OTUD4: variants seen among roughly 807,000 people sequenced by gnomAD.
OTUD4 encodes OTU domain-containing protein 4.
Under a neutral mutation model 130.4 loss-of-function variants are expected in OTUD4, and 24 were observed. That is an observed-to-expected ratio of 0.18 (90% CI 0.13 to 0.26). The LOEUF is 0.26. OTUD4 is among the 10% of genes least tolerant of loss of function. The pLI is 1.00. For synonymous variants in OTUD4, 420 were observed against 472.5 expected (o/e 0.89, Z 1.44); for missense variants, 1,031 against 1,329.4 (o/e 0.78, Z 3.49).
chr4:145,170,117 T>C (rs1478581148), intron 3 of OTUD4, among the ~76,000 whole-genome samples: 1 of 152,246 alleles, frequency 6.6e-6, no homozygotes, highest in Non-Finnish European at 1.5e-5. Context: ...CAATGCCTGA[T>C]GCCTAGGCCC....
In OTUD4 at chr4:145,164,209, T is replaced by A; in HGVS notation, c.359A>T (p.Tyr120Phe). Residue 120 changes from tyrosine (Y) to phenylalanine (F), a missense_variant, in exon 5 of 21, where the codon TAT becomes TTT. Physicochemically the swap from Tyr to Phe is conservative, Grantham distance 22 (BLOSUM62 3). This residue lies in a region of OTUD4 where 77 missense variants were observed against 172.9 expected (regional missense o/e 0.45). Transcript: ENST00000447906. ...TGAAGGAGAAACATTTGGTTCCCGATAAATTATAAAATCTTTCCTGAAAAT... is the reference window on the plus strand; with the variant it reads ...TGAAGGAGAAACATTTGGTTCCCGAAAAATTATAAAATCTTTCCTGAAAAT... ...SLMYRKDFII[Y>F]REPNVSPSQV... 7.3e-7 allele frequency: 1 copy of A among 1,370,456 alleles called. No individual in the cohort carries two copies. Among genetic ancestry groups the A allele is most frequent in the Non-Finnish European group, 1.0e-6 (1 of 982,626 alleles). 84.9% of individuals were successfully genotyped at this position (1,370,456 alleles called of 1,614,324 possible). A position where few individuals can be genotyped will look rare whatever the true frequency, so the allele number is the denominator to read the frequency against.
intron 3 of OTUD4, among the ~76,000 whole-genome samples, chr4:145,165,665 CG>C (rs1419557489): frequency 2.6e-5 from 4 of 151,876 alleles, no homozygotes; most frequent in Admixed American, 1.3e-4. Context: ...TTAGTAGAGA[CG>C]GGGTTTCTCT....
intron 11 of OTUD4, among the ~76,000 whole-genome samples, chr4:145,152,240 T>C (rs1001224056): frequency 1.3e-5 from 2 of 152,070 alleles, no homozygotes; most frequent in Non-Finnish European, 2.9e-5. Flanking sequence ...GCCTCTTGAG[T>C]AGCTGGAATT....
intron 1 of OTUD4, among the ~76,000 whole-genome samples, chr4:145,176,530 A>G (rs1250192841): frequency 6.7e-6 from 1 of 150,166 alleles, no homozygotes; most frequent in Non-Finnish European, 1.5e-5. Context: ...CTACTAAAAA[A>G]TACAAAAAAA....
chr4:145,136,669 C>A lies in OTUD4; in HGVS notation c.*761G>T, dbSNP rs1442166568. ...TCGAGTAGGCACCATGATATTTACA[C>A]CAGTGCTAAGAATTCTTGGTGGAAA... On this transcript the variant is annotated 3_prime_UTR_variant, in exon 21 of 21. Transcript: ENST00000447906. The A allele has an allele frequency of 1.3e-5, 2 of 152,350 alleles. No individual in the cohort carries two copies. The highest frequency in any genetic ancestry group is 3.9e-4 in the East Asian group (2 of 5,184). 9.4% of individuals were successfully genotyped at this position (152,350 alleles called of 1,614,324 possible). A position where few individuals can be genotyped will look rare whatever the true frequency, so the allele number is the denominator to read the frequency against.
intron 10 of OTUD4, 118 bp downstream of exon 10, chr4:145,155,293 A>T: frequency 1.3e-6 from 1 of 779,540 alleles, no homozygotes; most frequent in Non-Finnish European, 2.2e-6. Flanking sequence ...ATACATGATA[A>T]ATATATTCTG....
chr4:145,142,372 A>T (rs756744274), intron 17 of OTUD4, 38 bp from the exon 18 acceptor site: 1 of 1,599,002 alleles, frequency 6.3e-7, no homozygotes, highest in South Asian at 1.1e-5. Flanking sequence ...ACAGAAAAAG[A>T]CAAGAGGTCA....
Position 145,173,325 on chromosome 4 carries a change from C to T in OTUD4, c.243+1336G>A, listed in dbSNP as rs541479441. 1.2e-4 allele frequency among the ~76,000 whole-genome samples: 18 copies of T among 151,950 alleles called. 1 individual carries two copies. Among genetic ancestry groups the T allele is most frequent in the Non-Finnish European group, 2.4e-4 (16 of 67,972 alleles). On this transcript the variant is annotated intron_variant, in intron 2 of 20. Transcript: ENST00000447906. ...AGGAGAATGGCATGAACCCGGGAGGCGGAGCTTGCAGTGAGCCAAGATGGC... is the reference window on the plus strand; with the variant it reads ...AGGAGAATGGCATGAACCCGGGAGGTGGAGCTTGCAGTGAGCCAAGATGGC...
chr4:145,144,272 G>T, intron 15 of OTUD4, 39 bp downstream of exon 15: 3 of 1,594,552 alleles, frequency 1.9e-6, no homozygotes, highest in Non-Finnish European at 2.6e-6. Context: ...CATCTAAAGA[G>T]ATCTCTAGCA....
chr4:145,158,947 C>T (rs1018196336), intron 7 of OTUD4, among the ~76,000 whole-genome samples: 2 of 152,186 alleles, frequency 1.3e-5, no homozygotes, highest in Admixed American at 6.5e-5. Flanking sequence ...CAGAGCCCAA[C>T]CTCTTAAACA....
Position 145,153,898 on chromosome 4 carries a change from G to C in OTUD4, c.874-1263C>G, listed in dbSNP as rs143251457. ...AGTTTAAACTACATCTTACACACTTGAGTAAACAAATCACCTTAGAGTCAT... is the reference window on the plus strand; with the variant it reads ...AGTTTAAACTACATCTTACACACTTCAGTAAACAAATCACCTTAGAGTCAT... On this transcript the variant is annotated intron_variant, in intron 10 of 20. Coordinates refer to ENST00000447906, the MANE Select transcript of OTUD4 (RefSeq NM_001366057.1). Among the ~76,000 whole-genome samples, 239 of 152,250 alleles carry C rather than the reference G, an allele frequency of 1.6e-3. 1 individual carries two copies. Among genetic ancestry groups the C allele is most frequent in the African/African-American group, 5.1e-3 (211 of 41,548 alleles).
At chr4:145,141,307 A>C (rs1750551450) in intron 19 of OTUD4, 72 bp downstream of exon 19, 2 of 1,341,654 alleles carry the variant, frequency 1.5e-6, no homozygotes, top group South Asian at 1.7e-5. Context: ...ACCTCTACTT[A>C]CATCTCTTCA....
At chr4:145,164,083 T>C in intron 5 of OTUD4, 71 bp downstream of exon 5, 1 of 678,208 alleles carries the variant, frequency 1.5e-6, no homozygotes, top group East Asian at 2.8e-5. Flanking sequence ...AAATTATAGC[T>C]TATGAGGTCA....
intron 1 of OTUD4, among the ~76,000 whole-genome samples, chr4:145,176,114 T>C (rs1752409789): frequency 6.6e-6 from 1 of 151,178 alleles, no homozygotes; most frequent in African/African-American, 2.4e-5. Context: ...CAGGGTGGTC[T>C]CAAACTCCTG....
rs773128754 is a variant in OTUD4, at chr4:145,135,855, G to C, written c.*1575C>G. 1 of 152,558 alleles carries C rather than the reference G, an allele frequency of 6.6e-6. No individual in the cohort carries two copies. Among genetic ancestry groups the C allele is most frequent in the Non-Finnish European group, 1.5e-5 (1 of 68,006 alleles). 9.5% of individuals were successfully genotyped at this position (152,558 alleles called of 1,614,324 possible). A position where few individuals can be genotyped will look rare whatever the true frequency, so the allele number is the denominator to read the frequency against. On this transcript the variant is annotated 3_prime_UTR_variant, in exon 21 of 21. Coordinates refer to ENST00000447906, the MANE Select transcript of OTUD4 (RefSeq NM_001366057.1). ...AAATAACCATTATTACAGTACAGTG[G>C]CGATTCACTAGCCCAACTGGCATCC...
intron 14 of OTUD4, among the ~76,000 whole-genome samples, chr4:145,145,206 T>TA (rs1350638728): frequency 6.6e-6 from 1 of 152,232 alleles, no homozygotes; most frequent in East Asian, 1.9e-4. Flanking sequence ...TGCATAATGG[T>TA]ATGAATACAA....
chr4:145,134,111 G>A lies in OTUD4; in HGVS notation c.*3319C>T, dbSNP rs901246170. 1 of 152,550 alleles carries A rather than the reference G, an allele frequency of 6.6e-6. No homozygotes were observed. Among genetic ancestry groups the A allele is most frequent in the African/African-American group, 2.4e-5 (1 of 41,406 alleles). 9.4% of individuals were successfully genotyped at this position (152,550 alleles called of 1,614,324 possible). On this transcript the variant is annotated 3_prime_UTR_variant, in exon 21 of 21. Coordinates refer to ENST00000447906, the MANE Select transcript of OTUD4 (RefSeq NM_001366057.1). ...AAGATTTTCTAAAACTTGTATTTCG[G>A]GGAGAAAGACCTCTTTTAAAAAATA...
chr4:145,150,215 A>G (rs1223521555), intron 13 of OTUD4, among the ~76,000 whole-genome samples: 3 of 152,210 alleles, frequency 2.0e-5, no homozygotes, highest in Non-Finnish European at 2.9e-5. Flanking sequence ...TTACCATATT[A>G]CAAGCCACCA....
At chr4:145,176,990 TTAAACTA>T (rs1335690904) in intron 1 of OTUD4, among the ~76,000 whole-genome samples, 2 of 152,360 alleles carry the variant, frequency 1.3e-5, no homozygotes, top group East Asian at 3.9e-4. Flanking sequence ...TTGGACACTA[TTAAACTA>T]TATTCTTATA....
Sources: gnomAD v4.1 joint callset for allele counts (sites outside exome capture counted in the v4.1 genomes callset) on GRCh38, gnomAD v4.1.1 for gene constraint, gnomAD v4.1.1 regional missense constraint, MANE v1.5 for transcripts, NCBI Gene and HGNC (gene_info 2026-07-23, HGNC 2026-07-21) for gene names.